Variants in C4BPB observed in about 807,000 individuals in gnomAD.
The protein encoded by C4BPB is C4b-binding protein beta chain.
Under a neutral mutation model 26.6 loss-of-function variants are expected in C4BPB, and 19 were observed. The observed-to-expected ratio is 0.71, with a 90% CI of 0.50 to 1.05. C4BPB has a LOEUF of 1.05. Among genes scored for constraint, C4BPB ranks in the 50% least tolerant of loss-of-function variants. The pLI is 0.00. For synonymous variants in C4BPB, 118 were observed against 103.5 expected, an observed-to-expected ratio of 1.14 and a Z score of -0.85; for missense variants, 282 against 302.9, an observed-to-expected ratio of 0.93 and a Z score of 0.51.
chr1:207,099,463 A>T (rs1343767279), intron 6 of C4BPB, among the ~76,000 whole-genome samples: 1 of 152,240 alleles, frequency 6.6e-6, no homozygotes, highest in Non-Finnish European at 1.5e-5. Flanking sequence ...TCCCTGTTAT[A>T]GAGCAAAGCA....
intron 5 of C4BPB, 40 bp from the exon 6 acceptor site, chr1:207,098,110 G>C (rs966024440): frequency 7.2e-6 from 11 of 1,522,146 alleles, no homozygotes; most frequent in Non-Finnish European, 9.1e-6. Flanking sequence ...ACCCAATTCA[G>C]AAAGTGGAAA....
chr1:207,092,629 C>CTTTTT (rs755904248), intron 4 of C4BPB, among the ~76,000 whole-genome samples: 4 of 134,594 alleles, frequency 3.0e-5, no homozygotes, highest in South Asian at 2.3e-4. Context: ...TTCTTTCTTT[C>CTTTTT]TTTTTTTTTT....
chr1:207,094,690 T>C (rs1300413769), intron 4 of C4BPB, among the ~76,000 whole-genome samples: 1 of 152,164 alleles, frequency 6.6e-6, no homozygotes, highest in Non-Finnish European at 1.5e-5. Flanking sequence ...TTCAAAATTG[T>C]ACTCATAAAA....
rs142909654 is a variant in C4BPB, at chr1:207,091,763, C to T, written c.352C>T (p.Arg118Trp). Residue 118 changes from arginine (R) to tryptophan (W), a missense_variant, in exon 4 of 7, where the codon CGG becomes TGG. Physicochemically the swap from Arg to Trp is moderately radical, Grantham distance 101. Transcript: ENST00000367078. ...CCACTACATCCTCAAGGGCAGCAAT[C>T]GGAGCCAGTGTCTAGAGGACCACAC... The part of the protein sequence containing the change: ...NDHYILKGSN[R>W]SQCLEDHTWA... 1.9e-4 allele frequency: 313 copies of T among 1,614,110 alleles called. 3 individuals are homozygous for T. Among genetic ancestry groups the T allele is most frequent in the Non-Finnish European group, 2.4e-4 (279 of 1,179,988 alleles).
chr1:207,089,599 C>A lies in C4BPB; in HGVS notation c.58+10C>A, dbSNP rs1683942522. ...GTTTCTGCTTCAGATGGTACGTATG[C>A]TTTCCTTCAACTCAGCTTACAGGCA... On this transcript the variant is annotated intron_variant, in intron 2 of 6. Coordinates refer to ENST00000367078, the MANE Select transcript of C4BPB (RefSeq NM_001017365.3). 4 of 1,613,364 alleles carry A rather than the reference C, an allele frequency of 2.5e-6. No individual in the cohort carries two copies. The highest frequency in any genetic ancestry group is 3.4e-6 in the Non-Finnish European group (4 of 1,179,334).
intron 4 of C4BPB, among the ~76,000 whole-genome samples, chr1:207,092,629 C>CTTTTTTTTTT (rs755904248): frequency 1.5e-5 from 2 of 134,596 alleles, no homozygotes; most frequent in South Asian, 2.3e-4. Context: ...TTCTTTCTTT[C>CTTTTTTTTTT]TTTTTTTTTT....
Position 207,089,593 on chromosome 1 carries a change from CGT to C in C4BPB, c.58+5_58+6del, listed in dbSNP as rs771089497. On this transcript the variant is annotated splice_donor_5th_base_variant and intron_variant, in intron 2 of 6. Transcript: ENST00000367078. ...TGGCGAGTTTCTGCTTCAGATGGTACGTATGCTTTCCTTCAACTCAGCTTACA... is the reference window on the plus strand; with the variant it reads ...TGGCGAGTTTCTGCTTCAGATGGTACATGCTTTCCTTCAACTCAGCTTACA... 6.2e-7 allele frequency: 1 copy of C among 1,613,578 alleles called. No homozygotes were observed. The highest frequency in any genetic ancestry group is 1.1e-5 in the South Asian group (1 of 91,070).
chr1:207,095,340 T>A (rs1187348444), intron 4 of C4BPB: 2 of 456,634 alleles, frequency 4.4e-6, no homozygotes, highest in Non-Finnish European at 8.8e-6. Context: ...CCCTATTTCT[T>A]TTTCTTTTGA....
At chr1:207,094,034 T>C (rs576449028) in intron 4 of C4BPB, among the ~76,000 whole-genome samples, 1 of 152,310 alleles carries the variant, frequency 6.6e-6, no homozygotes, top group African/African-American at 2.4e-5. Context: ...GAAATTAAAA[T>C]TAGATATACA....
intron 4 of C4BPB, among the ~76,000 whole-genome samples, chr1:207,094,223 C>T (rs930140943): frequency 2.6e-5 from 4 of 151,896 alleles, no homozygotes; most frequent in African/African-American, 9.7e-5. Flanking sequence ...TACCTGCAGT[C>T]CCAGCTACTT....
At chr1:207,096,138 A>G (rs1684240974) in intron 4 of C4BPB, 1 of 246,172 alleles carries the variant, frequency 4.1e-6, no homozygotes, top group Non-Finnish European at 7.9e-6. Flanking sequence ...CACACGCTTC[A>G]TCTCCTCTCT....
At chr1:207,092,799 G>C (rs1684087317) in intron 4 of C4BPB, among the ~76,000 whole-genome samples, 1 of 151,690 alleles carries the variant, frequency 6.6e-6, no homozygotes. Context: ...GCTAATTTTT[G>C]TATTTTTAGT....
chr1:207,095,902 C>G (rs1318115751), intron 4 of C4BPB: 1 of 177,718 alleles, frequency 5.6e-6, no homozygotes, highest in Non-Finnish European at 1.2e-5. Context: ...GCCTCCCTCC[C>G]CCTTTGCCTT....
At chr1:207,093,569 AAGTT>A (rs1350033636) in intron 4 of C4BPB, among the ~76,000 whole-genome samples, 1 of 152,194 alleles carries the variant, frequency 6.6e-6, no homozygotes, top group Non-Finnish European at 1.5e-5. Context: ...GAAGAAGACA[AAGTT>A]AGGGCTCTAG....
At chr1:207,099,692 C>A in intron 6 of C4BPB, 97 bp from the exon 7 acceptor site, 1 of 933,508 alleles carries the variant, frequency 1.1e-6, no homozygotes, top group Non-Finnish European at 1.6e-6. Flanking sequence ...GGTTCTGAGC[C>A]CCCATTCAGA....
At chr1:207,092,952 T>A (rs1228188542) in intron 4 of C4BPB, among the ~76,000 whole-genome samples, 1 of 152,176 alleles carries the variant, frequency 6.6e-6, no homozygotes, top group African/African-American at 2.4e-5. Flanking sequence ...ATAGGATAGA[T>A]TCCTAAAATG....
intron 6 of C4BPB, among the ~76,000 whole-genome samples, chr1:207,099,355 G>A (rs1433918195): frequency 1.3e-5 from 2 of 152,216 alleles, no homozygotes; most frequent in Admixed American, 1.3e-4. Context: ...AAATACAGCT[G>A]AAGCTTTGCT....
chr1:207,094,932 C>T (rs1454922378), intron 4 of C4BPB: 2 of 189,248 alleles, frequency 1.1e-5, no homozygotes, highest in Non-Finnish European at 1.1e-5. Context: ...TGGCATATAA[C>T]TTTCCATACT....
rs535683237 is a variant in C4BPB, at chr1:207,099,185, C to T, written c.619-604C>T. Among the ~76,000 whole-genome samples the T allele has an allele frequency of 3.1e-4, 47 of 152,300 alleles. No homozygotes were observed. The Middle Eastern group carries it at 0.02, about 66-fold the overall frequency. On this transcript the variant is annotated intron_variant, in intron 6 of 6. Coordinates refer to ENST00000367078, the MANE Select transcript of C4BPB (RefSeq NM_001017365.3). Reference sequence around the variant, plus strand: ...ATCTGGGAGTGATGGGAGACAGTGACAGGTTACCAGGCATTAGACTCTCAT... The same window carrying T: ...ATCTGGGAGTGATGGGAGACAGTGATAGGTTACCAGGCATTAGACTCTCAT...
Sources: allele counts gnomAD v4.1 joint callset (sites outside exome capture counted in the v4.1 genomes callset), GRCh38; gene constraint gnomAD v4.1.1; transcripts MANE v1.5; gene names NCBI Gene and HGNC (gene_info 2026-07-23, HGNC 2026-07-21).